Variants in PTPRK observed in about 807,000 individuals in gnomAD.
The protein encoded by PTPRK is protein tyrosine phosphatase receptor type K.
Under a neutral mutation model 178.0 loss-of-function variants are expected in PTPRK, and 75 were observed. The ratio of observed to expected loss-of-function variants is 0.42; its 90% CI spans 0.35 to 0.51. PTPRK has a LOEUF of 0.51. Among genes scored for constraint, PTPRK ranks in the 20% least tolerant of loss-of-function variants. The probability of loss-of-function intolerance (pLI) is 0.02; values close to 1 mark genes in which losing one functional copy is unlikely to be tolerated. For missense variants in PTPRK, 1,441 were observed against 1,797.8 expected, an observed-to-expected ratio of 0.80 and a Z score of 3.59; for synonymous variants, 637 against 620.6, an observed-to-expected ratio of 1.03 and a Z score of -0.39.
At chr6:128,196,817 T>C (rs1804931439) in intron 6 of PTPRK, among the ~76,000 whole-genome samples, 1 of 152,184 alleles carries the variant, frequency 6.6e-6, no homozygotes, top group Non-Finnish European at 1.5e-5. Context: ...AGACTATTCA[T>C]ATACTCTTTT....
Position 128,520,418 on chromosome 6 carries a change from A to G in PTPRK, c.-60T>C. On this transcript the variant is annotated 5_prime_UTR_variant, in exon 1 of 30. Transcript: ENST00000368226. ...AAGAGCTGCCGGGGGGATCGCCGCGAAATCCACGACGGAGGAGCGGGCCGG... is the reference window on the plus strand; with the variant it reads ...AAGAGCTGCCGGGGGGATCGCCGCGGAATCCACGACGGAGGAGCGGGCCGG... 1 of 1,511,540 alleles carries G rather than the reference A, an allele frequency of 6.6e-7. No homozygotes were observed. The highest frequency in any genetic ancestry group is 9.0e-7 in the Non-Finnish European group (1 of 1,109,620). The allele number at this position is 1,511,540 out of a possible 1,614,324, so 93.6% of individuals were successfully genotyped here.
At chr6:128,124,199 A>G (rs1792955473) in intron 7 of PTPRK, among the ~76,000 whole-genome samples, 2 of 152,198 alleles carry the variant, frequency 1.3e-5, no homozygotes, top group South Asian at 4.1e-4. Flanking sequence ...ATGCACCACC[A>G]CAACAAGCTA....
chr6:128,237,069 C>A (rs1418200230), intron 5 of PTPRK, among the ~76,000 whole-genome samples: 1 of 152,056 alleles, frequency 6.6e-6, no homozygotes, highest in African/African-American at 2.4e-5. Flanking sequence ...TCAGTTTTTC[C>A]ATAACAAATT....
intron 6 of PTPRK, among the ~76,000 whole-genome samples, chr6:128,213,268 A>G (rs1331866038): frequency 6.6e-6 from 1 of 152,050 alleles, no homozygotes; most frequent in Non-Finnish European, 1.5e-5. Flanking sequence ...TTACAAGTAG[A>G]TAATATGAAT....
At chr6:128,107,347 C>T (rs1315885985) in intron 7 of PTPRK, among the ~76,000 whole-genome samples, 1 of 152,136 alleles carries the variant, frequency 6.6e-6, no homozygotes, top group East Asian at 1.9e-4. Flanking sequence ...TTTGAGAACA[C>T]ATTGTTTGTA....
intron 7 of PTPRK, among the ~76,000 whole-genome samples, chr6:128,157,639 G>A (rs1301223280): frequency 6.6e-6 from 1 of 151,968 alleles, no homozygotes; most frequent in Admixed American, 6.6e-5. Context: ...ATTCTAACTG[G>A]TGTGAGATGG....
intron 3 of PTPRK, among the ~76,000 whole-genome samples, chr6:128,255,457 A>G (rs146193897): frequency 1.8e-4 from 28 of 152,312 alleles, no homozygotes; most frequent in African/African-American, 6.7e-4. Flanking sequence ...CTCCTTTAAT[A>G]AAGAGTGTAT....
At chr6:128,470,911 C>CT (rs35084056) in intron 1 of PTPRK, among the ~76,000 whole-genome samples, 9,974 of 137,608 alleles carry the variant, frequency 0.072, 669 homozygotes, top group African/African-American at 0.18. Context: ...TTCTTTCTTC[C>CT]TTTTTTTTTT....
intron 1 of PTPRK, among the ~76,000 whole-genome samples, chr6:128,403,725 G>A (rs1198524721): frequency 6.6e-6 from 1 of 151,998 alleles, no homozygotes. Flanking sequence ...TACACAGAAA[G>A]ACTAAAAATA....
intron 6 of PTPRK, among the ~76,000 whole-genome samples, chr6:128,188,016 C>T (rs889821680): frequency 4.6e-5 from 7 of 152,190 alleles, no homozygotes; most frequent in South Asian, 4.1e-4. Flanking sequence ...AACAAGTAAT[C>T]GTTCTGCAGC....
chr6:128,204,725 CT>C (rs1278972222), intron 6 of PTPRK, among the ~76,000 whole-genome samples: 23 of 151,240 alleles, frequency 1.5e-4, no homozygotes, highest in African/African-American at 5.6e-4. Context: ...GAGATACCAT[CT>C]CATATCAGTC....
At position 128,493,591 on chromosome 6, in the gene PTPRK, TACACACACACAC is replaced by T. The variant is rs59656384; in HGVS notation, c.100+26656_100+26667del. ...AAAAAAAAAAGTACCTCCCGCCCCCTACACACACACACACACACACACACACACACACACACA... is the reference window on the plus strand; with the variant it reads ...AAAAAAAAAAGTACCTCCCGCCCCCTACACACACACACACACACACACACA... On this transcript the variant is annotated intron_variant, in intron 1 of 29. Transcript: ENST00000368226. 9.2e-3 allele frequency among the ~76,000 whole-genome samples: 1,144 copies of T among 124,014 alleles called. 17 individuals carry two copies. Among genetic ancestry groups the T allele is most frequent in the African/African-American group, 0.028 (915 of 32,242 alleles). The allele number at this position is 124,014 out of a possible 152,430, so 81.4% of individuals were successfully genotyped here.
intron 7 of PTPRK, among the ~76,000 whole-genome samples, chr6:128,162,156 T>C (rs1798799346): frequency 6.6e-6 from 1 of 151,676 alleles, no homozygotes; most frequent in South Asian, 2.1e-4. Context: ...TTTTGATGTT[T>C]ATCTATTATG....
intron 1 of PTPRK, among the ~76,000 whole-genome samples, chr6:128,513,676 G>C (rs900659444): frequency 6.6e-6 from 1 of 152,132 alleles, no homozygotes; most frequent in Non-Finnish European, 1.5e-5. Context: ...GTGTTTCCCA[G>C]AATTAAATGT....
intron 2 of PTPRK, among the ~76,000 whole-genome samples, chr6:128,328,848 A>G (rs975614218): frequency 1.3e-5 from 2 of 152,170 alleles, no homozygotes; most frequent in Admixed American, 1.3e-4. Context: ...AAAGATAGTA[A>G]GAAGTAATAA....
intron 1 of PTPRK, among the ~76,000 whole-genome samples, chr6:128,404,390 A>G (rs79398679): frequency 0.011 from 1,616 of 152,332 alleles, 36 homozygotes; most frequent in African/African-American, 0.037. Flanking sequence ...ACATGCATAC[A>G]TGCGTGCAAG....
At chr6:128,456,825 A>G (rs1200745225) in intron 1 of PTPRK, among the ~76,000 whole-genome samples, 4 of 152,126 alleles carry the variant, frequency 2.6e-5, no homozygotes, top group African/African-American at 9.7e-5. Flanking sequence ...ACAGATAGAA[A>G]GAGAGAAGAG....
chr6:128,310,688 C>T (rs1270427720), intron 3 of PTPRK, among the ~76,000 whole-genome samples: 2 of 152,122 alleles, frequency 1.3e-5, no homozygotes, highest in Non-Finnish European at 2.9e-5. Flanking sequence ...TTCCTGCTGC[C>T]AATCAATGGA....
At chr6:127,999,715 A>G (rs1322160345) in intron 15 of PTPRK, among the ~76,000 whole-genome samples, 1 of 152,020 alleles carries the variant, frequency 6.6e-6, no homozygotes, top group Non-Finnish European at 1.5e-5. Flanking sequence ...CACTTGCTCT[A>G]TATTTTAATG....
Sources: allele counts gnomAD v4.1 joint callset (sites outside exome capture counted in the v4.1 genomes callset), GRCh38; gene constraint gnomAD v4.1.1; transcripts MANE v1.5; gene names NCBI Gene and HGNC (gene_info 2026-07-23, HGNC 2026-07-21).